SNX29: variants seen among roughly 807,000 people sequenced by gnomAD.
The protein encoded by SNX29 is sorting nexin 29.
Under a neutral mutation model 102.1 loss-of-function variants are expected in SNX29, and 78 were observed. That is an observed-to-expected ratio of 0.76 (90% CI 0.64 to 0.92). SNX29 has a LOEUF of 0.92. SNX29 is among the 40% of genes least tolerant of loss of function. The pLI, the probability that SNX29 is intolerant of heterozygous loss-of-function variation, is 0.00. For synonymous variants in SNX29, 580 were observed against 414.5 expected, an observed-to-expected ratio of 1.40 and a Z score of -4.85; for missense variants, 1,280 against 1,061.7, an observed-to-expected ratio of 1.21 and a Z score of -2.86.
rs2084043789 is a variant in SNX29 at position 12,403,490 on chromosome 16, T to G, written c.1998T>G (p.Phe666Leu). Residue 666 changes from phenylalanine (F) to leucine (L), a missense_variant, in exon 18 of 21, where the codon TTT (phenylalanine) becomes TTG (leucine). Coordinates refer to ENST00000566228, the MANE Select transcript of SNX29 (RefSeq NM_032167.5). ...TCAACGTCTGGATCCCCTCAGTGTT[T>G]CTCCGGGGCAAAGCAGCAAATGCAT... ...ALINVWIPSV[F>L]LRGKAANAFH... 6.2e-7 allele frequency: 1 copy of G among 1,608,936 alleles called. No homozygotes were observed. Among genetic ancestry groups the G allele is most frequent in the Non-Finnish European group, 8.5e-7 (1 of 1,177,730 alleles).
chr16:12,038,864 G>C (rs1482635698), intron 4 of SNX29: 1 of 152,242 alleles, frequency 6.6e-6, no homozygotes. Context: ...TTGTTGGCCA[G>C]CTGGCCCAGG....
intron 16 of SNX29, among the ~76,000 whole-genome samples, chr16:12,385,605 G>A (rs1296003355): frequency 6.6e-6 from 1 of 152,172 alleles, no homozygotes; most frequent in African/African-American, 2.4e-5. Context: ...GGCTTGAGGG[G>A]GCTGTAGTTA....
intron 3 of SNX29, 144 bp downstream of exon 3, chr16:12,003,187 G>A (rs1174010023): frequency 6.4e-6 from 6 of 943,374 alleles, no homozygotes. Flanking sequence ...CAGCCAAGAG[G>A]TGCAGCGCTG....
At chr16:12,151,570 C>A (rs972300626) in intron 13 of SNX29, among the ~76,000 whole-genome samples, 4 of 152,272 alleles carry the variant, frequency 2.6e-5, no homozygotes, top group Admixed American at 1.3e-4. Context: ...TTTGTTCTGC[C>A]CGGGACTCGT....
At chr16:12,143,973 T>G (rs2054958981) in intron 13 of SNX29, among the ~76,000 whole-genome samples, 1 of 152,136 alleles carries the variant, frequency 6.6e-6, no homozygotes, top group Non-Finnish European at 1.5e-5. Context: ...ACTGGTGGCT[T>G]AGAGCAGAGT....
At chr16:12,373,158 A>G (rs955018765) in intron 16 of SNX29, 2 of 152,238 alleles carry the variant, frequency 1.3e-5, no homozygotes, top group African/African-American at 4.8e-5. Flanking sequence ...TTTAAGAGAC[A>G]GTCTCGCTGT....
At chr16:12,234,736 T>A (rs1210531469) in intron 14 of SNX29, among the ~76,000 whole-genome samples, 1 of 152,078 alleles carries the variant, frequency 6.6e-6, no homozygotes, top group Non-Finnish European at 1.5e-5. Flanking sequence ...GGTTGGAGAG[T>A]TGTTCATTCC....
intron 20 of SNX29, among the ~76,000 whole-genome samples, chr16:12,551,588 C>G (rs1450946659): frequency 6.6e-6 from 1 of 152,198 alleles, no homozygotes; most frequent in East Asian, 1.9e-4. Flanking sequence ...AAGGCTGGAA[C>G]AAATTCTGGT....
At chr16:12,044,265 C>A (rs943203119) in intron 5 of SNX29, among the ~76,000 whole-genome samples, 21 of 152,258 alleles carry the variant, frequency 1.4e-4, no homozygotes, top group Admixed American at 1.2e-3. Flanking sequence ...TATGTCTTGC[C>A]CTGTGTTCCC....
chr16:12,511,172 C>T (rs889403664), intron 19 of SNX29, among the ~76,000 whole-genome samples: 2 of 152,104 alleles, frequency 1.3e-5, no homozygotes, highest in Admixed American at 6.5e-5. Flanking sequence ...ATGTGAACTG[C>T]GGGACTAGTT....
At chr16:12,125,332 C>G (rs1280596036) in intron 11 of SNX29, among the ~76,000 whole-genome samples, 1 of 152,082 alleles carries the variant, frequency 6.6e-6, no homozygotes, top group African/African-American at 2.4e-5. Context: ...TCTGACAGCT[C>G]GTCTTTCTAT....
intron 11 of SNX29, among the ~76,000 whole-genome samples, chr16:12,122,481 G>A (rs1337878085): frequency 1.3e-5 from 2 of 152,004 alleles, no homozygotes; most frequent in Admixed American, 6.6e-5. Context: ...CAGAAAAGGC[G>A]CTCCCCAAGC....
At chr16:12,189,228 T>G (rs772659576) in intron 13 of SNX29, among the ~76,000 whole-genome samples, 4 of 152,240 alleles carry the variant, frequency 2.6e-5, no homozygotes, top group Non-Finnish European at 5.9e-5. Context: ...ATTGACACAT[T>G]TCTGCTGTCT....
At chr16:12,326,095 G>A (rs1378175632) in intron 15 of SNX29, among the ~76,000 whole-genome samples, 1 of 151,682 alleles carries the variant, frequency 6.6e-6, no homozygotes, top group African/African-American at 2.4e-5. Context: ...GTGCGATCTT[G>A]GCTCACTGCA....
chr16:12,278,227 T>C (rs1052490399), intron 15 of SNX29, among the ~76,000 whole-genome samples, 191 bp downstream of exon 15: 1 of 152,184 alleles, frequency 6.6e-6, no homozygotes, highest in African/African-American at 2.4e-5. Flanking sequence ...TTGAAAAATG[T>C]CACTTAAATA....
rs1043373069 is a variant in SNX29, at chr16:12,519,311, G to A, written c.2179-5391G>A. On this transcript the variant is annotated intron_variant, in intron 19 of 20. Coordinates refer to ENST00000566228, the MANE Select transcript of SNX29 (RefSeq NM_032167.5). ...GTCAGAACCCAGGTGATCGCAGGGG[G>A]AGTCCAGTCTGAACAGTATTGCATT... Among the ~76,000 whole-genome samples the A allele has an allele frequency of 3.3e-5, 5 of 152,198 alleles. No individual in the cohort carries two copies. The East Asian group carries it at 7.7e-4, about 23-fold the overall frequency.
intron 16 of SNX29, among the ~76,000 whole-genome samples, chr16:12,363,695 A>G (rs1048318653): frequency 9.2e-5 from 14 of 152,198 alleles, no homozygotes; most frequent in Admixed American, 9.2e-4. Context: ...CATAGACCAA[A>G]TGATAATTCG....
At chr16:12,131,124 A>G (rs1012885138) in intron 13 of SNX29, among the ~76,000 whole-genome samples, 24 of 152,288 alleles carry the variant, frequency 1.6e-4, no homozygotes, top group Non-Finnish European at 3.1e-4. Flanking sequence ...AGTGTGGGAG[A>G]GGGCCTGCTG....
chr16:12,493,781 G>A (rs1042528814), intron 19 of SNX29, among the ~76,000 whole-genome samples: 3 of 152,096 alleles, frequency 2.0e-5, no homozygotes, highest in East Asian at 1.9e-4. Flanking sequence ...TAGTAGAGAC[G>A]GGGTTTCACC....
Sources: gnomAD v4.1 joint callset for allele counts (sites outside exome capture counted in the v4.1 genomes callset) on GRCh38, gnomAD v4.1.1 for gene constraint, MANE v1.5 for transcripts, NCBI Gene and HGNC (gene_info 2026-07-23, HGNC 2026-07-21) for gene names.